Variants in PCDHAC1 observed in about 807,000 individuals in gnomAD.
PCDHAC1 encodes the protein protocadherin alpha subfamily C, 1.
In PCDHAC1, 42 loss-of-function variants were observed where a neutral mutation model predicts 60.0. The ratio of observed to expected loss-of-function variants is 0.70; its 90% CI spans 0.55 to 0.90. The LOEUF (loss-of-function observed/expected upper bound fraction) is 0.90. Ranked by LOEUF, PCDHAC1 falls within the 40% of genes least tolerant of loss-of-function variation. The probability of loss-of-function intolerance (pLI) is 0.00; values close to 1 mark genes in which losing one functional copy is unlikely to be tolerated. For synonymous variants in PCDHAC1, 468 were observed against 499.3 expected (o/e 0.94, Z 0.84); for missense variants, 1,160 against 1,222.3 (o/e 0.95, Z 0.76).
At position 140,928,746 on chromosome 5, in the gene PCDHAC1, C is replaced by A. The variant is rs782813323; in HGVS notation, c.1854C>A (p.Leu618=). 6.2e-7 allele frequency: 1 copy of A among 1,614,130 alleles called. No homozygotes were observed. Residue 618 remains leucine (L), a synonymous_variant, in exon 1 of 4, where the codon CTC becomes CTA. Transcript: ENST00000253807. ...GAATTTCAGCCAATATAGGTGAGCT[C>A]CGTACTGCTCGCTTAGTTCTTCCCA... ...LFRISANIGE[L]RTARLVLPTD...
chr5:140,933,211 CTG>C (rs1491057503), intron 1 of PCDHAC1, among the ~76,000 whole-genome samples: 2 of 151,532 alleles, frequency 1.3e-5, no homozygotes, highest in Non-Finnish European at 3.0e-5. Context: ...AATTACATGT[CTG>C]TTATATTGCA....
intron 3 of PCDHAC1, among the ~76,000 whole-genome samples, chr5:140,985,060 C>A (rs1377386395): frequency 6.6e-6 from 1 of 152,066 alleles, no homozygotes; most frequent in Admixed American, 6.5e-5. Flanking sequence ...GCCTCAGCCT[C>A]CTGAGTAGCT....
intron 2 of PCDHAC1, chr5:140,982,259 G>A (rs2153828072): frequency 2.4e-6 from 2 of 820,856 alleles, no homozygotes; most frequent in South Asian, 4.9e-5. Context: ...GAACATGTGT[G>A]TTCCTGGAAT....
chr5:140,960,993 A>G (rs1053601284), intron 1 of PCDHAC1, among the ~76,000 whole-genome samples: 1 of 152,140 alleles, frequency 6.6e-6, no homozygotes, highest in Non-Finnish European at 1.5e-5. Context: ...AAAATGCTCA[A>G]TTTGCTGCTG....
At chr5:140,955,157 T>A (rs1554221797) in intron 1 of PCDHAC1, among the ~76,000 whole-genome samples, 1 of 152,198 alleles carries the variant, frequency 6.6e-6, no homozygotes, top group Non-Finnish European at 1.5e-5. Context: ...ACCAGTACCG[T>A]GCTGTTTTGG....
chr5:140,986,656 C>T (rs141575317), intron 3 of PCDHAC1, among the ~76,000 whole-genome samples: 2 of 152,290 alleles, frequency 1.3e-5, no homozygotes, highest in East Asian at 1.9e-4. Context: ...GTGGGAGATG[C>T]TCACAGTTTT....
chr5:141,006,338 A>G (rs1201287903), intron 3 of PCDHAC1, among the ~76,000 whole-genome samples: 13 of 151,820 alleles, frequency 8.6e-5, no homozygotes, highest in African/African-American at 3.1e-4. Flanking sequence ...CAGCCTCCTG[A>G]GTAGCTGGGA....
At chr5:140,960,179 G>A (rs1379423809) in intron 1 of PCDHAC1, among the ~76,000 whole-genome samples, 1 of 152,106 alleles carries the variant, frequency 6.6e-6, no homozygotes, top group Non-Finnish European at 1.5e-5. Flanking sequence ...TAAGTTAGGG[G>A]TTGCATGTGT....
chr5:141,002,649 T>C (rs2098089134), intron 3 of PCDHAC1, among the ~76,000 whole-genome samples: 2 of 152,214 alleles, frequency 1.3e-5, no homozygotes, highest in South Asian at 2.1e-4. Context: ...GTCTACTTCA[T>C]AGGGCTCTTG....
chr5:140,993,562 C>G (rs1233872464), intron 3 of PCDHAC1, among the ~76,000 whole-genome samples: 3 of 150,520 alleles, frequency 2.0e-5, no homozygotes, highest in Non-Finnish European at 4.4e-5. Flanking sequence ...TATATAGTAT[C>G]CTTTCTAGGG....
rs1554262437 is a variant in PCDHAC1, at chr5:141,009,799, C to T, written c.2754C>T (p.Asn918=). 1 of 1,614,104 alleles carries T rather than the reference C, an allele frequency of 6.2e-7. No individual in the cohort carries two copies. Residue 918 remains asparagine (N), a synonymous_variant, in exon 4 of 4, where the codon AAC becomes AAT. Coordinates refer to ENST00000253807, the MANE Select transcript of PCDHAC1 (RefSeq NM_018898.5). ...AIISIRQEPT[N]SQIDKSDFIT... is the part of the protein sequence containing the mutation. ...TCTCCATCCGGCAGGAGCCTACTAACAGCCAAATTGACAAAAGTGACTTCA... is the reference window on the plus strand; with the variant it reads ...TCTCCATCCGGCAGGAGCCTACTAATAGCCAAATTGACAAAAGTGACTTCA...
In PCDHAC1 at chr5:140,929,637, G is replaced by A. The variant is rs373869618; in HGVS notation, c.2433+312G>A. ...CCAAAATATTTTATAAGCAACAGATGTGTAAGGCACTCTAATATTTAAAGT... is the reference window on the plus strand; with the variant it reads ...CCAAAATATTTTATAAGCAACAGATATGTAAGGCACTCTAATATTTAAAGT... On this transcript the variant is annotated intron_variant, in intron 1 of 3. Coordinates refer to ENST00000253807, the MANE Select transcript of PCDHAC1 (RefSeq NM_018898.5). The A allele has an allele frequency of 1.4e-4, 52 of 378,290 alleles. No homozygotes were observed. The South Asian group carries it at 3.2e-3, about 23-fold the overall frequency. The allele number at this position is 378,290 out of a possible 1,614,324, so 23.4% of individuals were successfully genotyped here. A position where few individuals can be genotyped will look rare whatever the true frequency, so the allele number is the denominator to read the frequency against.
In PCDHAC1 at chr5:140,985,839, A is replaced by G. The variant is rs570244448; in HGVS notation, c.2581+3276A>G. On this transcript the variant is annotated intron_variant, in intron 3 of 3. Coordinates refer to ENST00000253807, the MANE Select transcript of PCDHAC1 (RefSeq NM_018898.5). ...ACAACAAGCTCTGCCTCCCGGGTTC[A>G]TGCCACTCTCCTGCCTCAGCCTCCT... Among the ~76,000 whole-genome samples the G allele has an allele frequency of 6.2e-5, 9 of 144,378 alleles. No homozygotes were observed. The East Asian group carries it at 1.9e-3, about 30-fold the overall frequency. 94.7% of individuals were successfully genotyped at this position (144,378 alleles called of 152,430 possible). A position where few individuals can be genotyped will look rare whatever the true frequency, so the allele number is the denominator to read the frequency against.
intron 3 of PCDHAC1, among the ~76,000 whole-genome samples, chr5:140,994,064 A>G (rs902624513): frequency 6.6e-6 from 1 of 152,142 alleles, no homozygotes; most frequent in African/African-American, 2.4e-5. Context: ...TATAAATCTA[A>G]TGGTGAAGGG....
chr5:141,010,272 T>C lies in PCDHAC1; in HGVS notation c.*335T>C. On this transcript the variant is annotated 3_prime_UTR_variant, in exon 4 of 4. Coordinates refer to ENST00000253807, the MANE Select transcript of PCDHAC1 (RefSeq NM_018898.5). ...TCTCTGCCCTGTGCTCCGGGGATCC[T>C]GTCTTGATGACACTTGCAGGGCAGG... The C allele has an allele frequency of 6.4e-7, 1 of 1,551,508 alleles. No homozygotes were observed. Among genetic ancestry groups the C allele is most frequent in the Non-Finnish European group, 8.7e-7 (1 of 1,146,940 alleles).
In PCDHAC1 at chr5:140,926,976, GGA is replaced by G. The variant is rs1184794302; in HGVS notation, c.87_88del (p.Glu29AspfsTer90). On this transcript the variant is annotated frameshift_variant, in exon 1 of 4. Coordinates refer to ENST00000253807, the MANE Select transcript of PCDHAC1 (RefSeq NM_018898.5). LOFTEE classifies it high-confidence loss of function. Reference sequence around the variant, plus strand: ...GACAGCTCGAGTACTCAGTGCCGGAGGAGACGGAGCGGGGCGTAGCCGTAGGC... The same window carrying G: ...GACAGCTCGAGTACTCAGTGCCGGAGGACGGAGCGGGGCGTAGCCGTAGGC... Reference protein sequence around the residue: ...AGQLEYSVPEETERGVAVGNL... With the variant: ...AGQLEYSVPEXTERGVAVGNL... The G allele has an allele frequency of 1.9e-6, 3 of 1,610,286 alleles. No homozygotes were observed. Among genetic ancestry groups the G allele is most frequent in the Non-Finnish European group, 2.5e-6 (3 of 1,177,558 alleles).
intron 3 of PCDHAC1, among the ~76,000 whole-genome samples, chr5:141,001,760 G>A (rs2098035777): frequency 6.6e-6 from 1 of 152,146 alleles, no homozygotes; most frequent in South Asian, 2.1e-4. Flanking sequence ...GGTTGATGGC[G>A]GATGGTTTTT....
intron 1 of PCDHAC1, chr5:140,969,187 G>A (rs1469342094): frequency 1.2e-6 from 2 of 1,614,106 alleles, no homozygotes; most frequent in Non-Finnish European, 8.5e-7. Context: ...ACACTTTCAT[G>A]TTTTACAATA....
rs59860837 is a variant in PCDHAC1 at position 141,005,701 on chromosome 5, C to CAAAAA, written c.2582-3900_2582-3896dup. 5.2e-3 allele frequency among the ~76,000 whole-genome samples: 40 copies of CAAAAA among 7,764 alleles called. 2 individuals are homozygous for CAAAAA. Among genetic ancestry groups the CAAAAA allele is most frequent in the East Asian group, 0.013 (4 of 312 alleles). The allele number at this position is 7,764 out of a possible 152,430, so 5.1% of individuals were successfully genotyped here. On this transcript the variant is annotated intron_variant, in intron 3 of 3. Coordinates refer to ENST00000253807, the MANE Select transcript of PCDHAC1 (RefSeq NM_018898.5). ...TGGGCGACAGAGCGAAACTCCGTCT[C>CAAAAA]AAAAAAAAAAAAAAAAAAAAAAAAA...
Sources: gnomAD v4.1 joint callset for allele counts (sites outside exome capture counted in the v4.1 genomes callset) on GRCh38, gnomAD v4.1.1 for gene constraint, MANE v1.5 for transcripts, NCBI Gene and HGNC (gene_info 2026-07-23, HGNC 2026-07-21) for gene names.